Variants in DMD observed in about 807,000 individuals in gnomAD.
DMD encodes the protein dystrophin.
In DMD, 63 loss-of-function variants were observed where a neutral mutation model predicts 330.1. The observed-to-expected ratio is 0.19, with a 90% CI of 0.16 to 0.24. The LOEUF (loss-of-function observed/expected upper bound fraction) is 0.24. Ranked by LOEUF, DMD falls within the 10% of genes least tolerant of loss-of-function variation. The pLI, the probability that DMD is intolerant of heterozygous loss-of-function variation, is 1.00. For missense variants in DMD, 3,344 were observed against 2,684.1 expected (o/e 1.25, Z -5.43); for synonymous variants, 1,223 against 959.8 (o/e 1.27, Z -5.07).
At chrX:32,538,678 G>A (rs1460447167) in intron 17 of DMD, among the ~76,000 whole-genome samples, 2 of 111,294 alleles carry the variant, frequency 1.8e-5, no homozygotes, top group African/African-American at 6.5e-5. Flanking sequence ...GATTTCCAAA[G>A]TGTGGGCCCT....
At position 31,204,107 on chromosome X, in the gene DMD, G is replaced by T; in HGVS notation, c.9661C>A (p.Gln3221Lys). The change falls in exon 67 of 79, where the codon CAA (glutamine) becomes AAA (lysine). Residue 3221 changes from glutamine (Q) to lysine (K), a missense_variant. Coordinates refer to ENST00000357033, the MANE Select transcript of DMD (RefSeq NM_004006.3). ...CAAAATCCTGTTGAACTTGCCACTT[G>T]CTTGAAAAGGTCTACAAAGGAAGAA... ...LEDKYRYLFK[Q>K]VASSTGFCDQ... is the part of the protein sequence containing the mutation. 1 of 1,210,805 alleles carries T rather than the reference G, an allele frequency of 8.3e-7. No individual in the cohort carries two copies. Among genetic ancestry groups the T allele is most frequent in the South Asian group, 1.8e-5 (1 of 56,855 alleles).
At chrX:31,547,514 A>T (rs1458055075) in intron 55 of DMD, among the ~76,000 whole-genome samples, 1 of 112,183 alleles carries the variant, frequency 8.9e-6, no homozygotes, top group East Asian at 2.8e-4. Context: ...TTAATGAATC[A>T]GACATGACCG....
intron 62 of DMD, among the ~76,000 whole-genome samples, chrX:31,297,015 G>A (rs191350796): frequency 5.4e-5 from 6 of 111,264 alleles, no homozygotes; most frequent in Non-Finnish European, 1.1e-4. Flanking sequence ...TCTAAAGCCC[G>A]TATTTAATTT....
intron 53 of DMD, among the ~76,000 whole-genome samples, chrX:31,673,561 T>A (rs936752544): frequency 9.1e-6 from 1 of 110,278 alleles, no homozygotes; most frequent in Admixed American, 9.7e-5. Context: ...TAAGCCAAGA[T>A]CATGCCACTG....
chrX:32,810,204 AAAG>A (rs2077272498), intron 6 of DMD, among the ~76,000 whole-genome samples: 1 of 111,504 alleles, frequency 9.0e-6, no homozygotes, highest in South Asian at 3.8e-4. Flanking sequence ...TGTGGGGAAA[AAAG>A]AAAATCCTGA....
chrX:32,594,352 T>C (rs1370699503), intron 13 of DMD, among the ~76,000 whole-genome samples: 5 of 111,277 alleles, frequency 4.5e-5, no homozygotes. Context: ...GAAGGAATTG[T>C]GGTGATGAGG....
chrX:31,915,773 A>T (rs2094601824), intron 47 of DMD, among the ~76,000 whole-genome samples: 1 of 112,037 alleles, frequency 8.9e-6, no homozygotes, highest in African/African-American at 3.2e-5. Flanking sequence ...AATCAGGATT[A>T]GTTGATTAGA....
intron 18 of DMD, among the ~76,000 whole-genome samples, chrX:32,503,786 C>T (rs748790098): frequency 1.8e-5 from 2 of 111,464 alleles, no homozygotes; most frequent in Non-Finnish European, 3.8e-5. Flanking sequence ...AAACTCCTGA[C>T]CTCATCATCC....
chrX:33,324,623 C>T (rs1569132244), intron 1 of DMD, among the ~76,000 whole-genome samples: 2 of 111,267 alleles, frequency 1.8e-5, no homozygotes. Context: ...TACTGGTTGA[C>T]ATCATTACGT....
At chrX:33,121,913 T>A (rs914259154) in intron 1 of DMD, among the ~76,000 whole-genome samples, 1 of 112,270 alleles carries the variant, frequency 8.9e-6, no homozygotes, top group African/African-American at 3.2e-5. Flanking sequence ...CATTTATGAT[T>A]AATAATTATG....
intron 1 of DMD, among the ~76,000 whole-genome samples, chrX:33,259,828 T>G (rs1283608415): frequency 9.1e-6 from 1 of 109,505 alleles, no homozygotes; most frequent in East Asian, 2.9e-4. Flanking sequence ...CCTTTCAAAT[T>G]AGCTTCTTTC....
chrX:32,981,760 T>A (rs2092712765), intron 2 of DMD, among the ~76,000 whole-genome samples: 1 of 111,380 alleles, frequency 9.0e-6, no homozygotes, highest in Admixed American at 9.6e-5. Context: ...CTAAAACATG[T>A]CAGTTGAAAA....
At chrX:32,556,321 C>G (rs976714360) in intron 16 of DMD, among the ~76,000 whole-genome samples, 2 of 110,717 alleles carry the variant, frequency 1.8e-5, no homozygotes, top group Non-Finnish European at 3.8e-5. Flanking sequence ...ACAATAGATG[C>G]TGGTGAGGTT....
rs1188554322 is a variant in DMD at position 31,538,397 on chromosome X, C to G, written c.8218-30944G>C. Among the ~76,000 whole-genome samples, 3 of 112,209 alleles carry G rather than the reference C, an allele frequency of 2.7e-5. No homozygotes were observed. The Admixed American group carries it at 2.8e-4, about 11-fold the overall frequency. On this transcript the variant is annotated intron_variant, in intron 55 of 78. Transcript: ENST00000357033. ...CTTGTTTAATTTCCTTCCTCCCCCA[C>G]TAAACTACAGATCAAAGAAGATAGA...
intron 1 of DMD, among the ~76,000 whole-genome samples, chrX:33,108,223 T>C (rs746157681): frequency 1.8e-5 from 2 of 110,753 alleles, no homozygotes; most frequent in Non-Finnish European, 3.8e-5. Flanking sequence ...CATGCTGAGC[T>C]AAGCTAATAC....
At chrX:32,439,322 A>C (rs915977485) in intron 28 of DMD, among the ~76,000 whole-genome samples, 5 of 111,339 alleles carry the variant, frequency 4.5e-5, no homozygotes. Context: ...TTTCAAGAAA[A>C]TAAAGAGACT....
At chrX:32,474,735 T>C (rs1034723509) in intron 21 of DMD, among the ~76,000 whole-genome samples, 3 of 111,680 alleles carry the variant, frequency 2.7e-5, no homozygotes, top group African/African-American at 9.8e-5. Context: ...TTTGAGTTTG[T>C]TGTAGATTCT....
intron 44 of DMD, among the ~76,000 whole-genome samples, chrX:32,164,400 T>A (rs774116205): frequency 9.0e-6 from 1 of 111,358 alleles, no homozygotes; most frequent in Admixed American, 9.6e-5. Flanking sequence ...CAGATGGAGA[T>A]GAAGAACTTA....
intron 1 of DMD, among the ~76,000 whole-genome samples, chrX:33,133,125 T>TA (rs72394170): frequency 9.2e-5 from 10 of 108,787 alleles, no homozygotes; most frequent in Non-Finnish European, 1.5e-4. Flanking sequence ...TAGTAGTGGT[T>TA]AAAAAAAAAG....
Sources: gnomAD v4.1 joint callset for allele counts (sites outside exome capture counted in the v4.1 genomes callset) on GRCh38, gnomAD v4.1.1 for gene constraint, MANE v1.5 for transcripts, NCBI Gene and HGNC (gene_info 2026-07-23, HGNC 2026-07-21) for gene names.